Variants in TMEM200A observed in about 807,000 individuals in gnomAD.
TMEM200A encodes transmembrane protein 200A.
In TMEM200A, 12 loss-of-function variants were observed where a neutral mutation model predicts 24.3. The observed-to-expected ratio is 0.49, with a 90% CI of 0.32 to 0.80. TMEM200A has a LOEUF of 0.80. Among genes scored for constraint, TMEM200A ranks in the 30% least tolerant of loss-of-function variants. The pLI is 0.04. For synonymous variants in TMEM200A, 224 were observed against 224.4 expected, an observed-to-expected ratio of 1.00 and a Z score of 0.02; for missense variants, 545 against 614.4, an observed-to-expected ratio of 0.89 and a Z score of 1.19.
intron 2 of TMEM200A, among the ~76,000 whole-genome samples, chr6:130,407,670 A>C (rs990379453): frequency 2.0e-5 from 3 of 152,246 alleles, no homozygotes; most frequent in Non-Finnish European, 4.4e-5. Context: ...GATGAGTAAG[A>C]GCCAAGAAGC....
intron 1 of TMEM200A, among the ~76,000 whole-genome samples, chr6:130,372,098 A>G (rs1778334524): frequency 6.6e-6 from 1 of 152,200 alleles, no homozygotes; most frequent in African/African-American, 2.4e-5. Context: ...CCAGACTGGA[A>G]AGTGAAAGAG....
At chr6:130,432,218 A>G (rs960226173) in intron 2 of TMEM200A, among the ~76,000 whole-genome samples, 5 of 152,244 alleles carry the variant, frequency 3.3e-5, no homozygotes, top group African/African-American at 1.2e-4. Flanking sequence ...GAAACAGAAT[A>G]GTGCGTGCAG....
intron 2 of TMEM200A, among the ~76,000 whole-genome samples, chr6:130,387,519 TGCCTCG>T (rs1284426922): frequency 2.0e-5 from 3 of 152,186 alleles, no homozygotes; most frequent in Non-Finnish European, 4.4e-5. Context: ...GTGATCCGCC[TGCCTCG>T]GCCTCCCAAA....
At chr6:130,420,117 T>A (rs1779548556) in intron 2 of TMEM200A, among the ~76,000 whole-genome samples, 1 of 152,216 alleles carries the variant, frequency 6.6e-6, no homozygotes, top group South Asian at 2.1e-4. Context: ...ACTTTCAACA[T>A]ATGAATTTGA....
chr6:130,408,374 A>G (rs1779254565), intron 2 of TMEM200A, among the ~76,000 whole-genome samples: 1 of 152,180 alleles, frequency 6.6e-6, no homozygotes, highest in Non-Finnish European at 1.5e-5. Flanking sequence ...TGAGTATTTG[A>G]GACACTGCTT....
chr6:130,423,588 A>T (rs1327456960), intron 2 of TMEM200A, among the ~76,000 whole-genome samples: 2 of 152,166 alleles, frequency 1.3e-5, no homozygotes, highest in Non-Finnish European at 2.9e-5. Flanking sequence ...TAATATTTCC[A>T]TGTGATACTT....
At chr6:130,426,039 T>C (rs11154578) in intron 2 of TMEM200A, among the ~76,000 whole-genome samples, 16,470 of 152,206 alleles carry the variant, frequency 0.11, 1,074 homozygotes, top group Admixed American at 0.16. Context: ...AAAACTGCGG[T>C]TGAAGTAACT....
intron 2 of TMEM200A, among the ~76,000 whole-genome samples, chr6:130,433,852 G>A (rs1371175856): frequency 3.3e-5 from 5 of 152,156 alleles, no homozygotes; most frequent in African/African-American, 9.7e-5. Context: ...TCAGAGGGCA[G>A]GGACCCTTAT....
At chr6:130,412,307 GTC>G (rs1779351281) in intron 2 of TMEM200A, among the ~76,000 whole-genome samples, 1 of 151,752 alleles carries the variant, frequency 6.6e-6, no homozygotes, top group Non-Finnish European at 1.5e-5. Flanking sequence ...TGTGTAAACA[GTC>G]TCTCATCCCT....
Position 130,371,922 on chromosome 6 carries a change from G to A in TMEM200A, c.-81+5398G>A, listed in dbSNP as rs551210182. Among the ~76,000 whole-genome samples, 8 of 152,328 alleles carry A rather than the reference G, an allele frequency of 5.3e-5. No homozygotes were observed. In the South Asian group the frequency reaches 1.7e-3, roughly 32 times the overall value. On this transcript the variant is annotated intron_variant, in intron 1 of 2. Coordinates refer to ENST00000296978, the MANE Select transcript of TMEM200A (RefSeq NM_001258277.2). ...TTTATTAGTTGTCAGGCACTATCAG[G>A]GAAGGAGCTAACGTTTGTAAGGCCA...
chr6:130,365,956 G>A (rs1182176032), upstream of TMEM200A: 2 of 973,922 alleles, frequency 2.1e-6, 1 homozygote, highest in Non-Finnish European at 2.4e-6. Context: ...AGTCCGCCCC[G>A]GCCCCCGCCC....
intron 1 of TMEM200A, among the ~76,000 whole-genome samples, chr6:130,383,273 A>G (rs951011386): frequency 6.6e-6 from 1 of 152,156 alleles, no homozygotes; most frequent in Non-Finnish European, 1.5e-5. Flanking sequence ...AATTGCTAGG[A>G]AGTCAGCAAT....
At chr6:130,416,452 G>C (rs562819008) in intron 2 of TMEM200A, among the ~76,000 whole-genome samples, 1 of 151,986 alleles carries the variant, frequency 6.6e-6, no homozygotes, top group Non-Finnish European at 1.5e-5. Flanking sequence ...CTTTTCATTT[G>C]TTCTTATTAC....
At chr6:130,373,505 T>G (rs1467805011) in intron 1 of TMEM200A, among the ~76,000 whole-genome samples, 1 of 152,162 alleles carries the variant, frequency 6.6e-6, no homozygotes, top group South Asian at 2.1e-4. Flanking sequence ...TTTTCCAACT[T>G]CTAGACAAGC....
chr6:130,375,681 A>G (rs985465806), intron 1 of TMEM200A, among the ~76,000 whole-genome samples: 2 of 152,174 alleles, frequency 1.3e-5, no homozygotes, highest in Non-Finnish European at 1.5e-5. Flanking sequence ...GAGAATGAGG[A>G]GCCAGCCTCA....
At chr6:130,380,451 T>C (rs191984000) in intron 1 of TMEM200A, among the ~76,000 whole-genome samples, 64 of 152,342 alleles carry the variant, frequency 4.2e-4, no homozygotes, top group Non-Finnish European at 8.5e-4. Context: ...AAGTATAAAA[T>C]TTAAAAAAGA....
At position 130,440,577 on chromosome 6, in the gene TMEM200A, G is replaced by C. The variant is rs776015783; in HGVS notation, c.155G>C (p.Arg52Pro). ...RRPRADVVVV[R>P]GKIRLYSPSG... ...CCCCGGGCAGATGTTGTGGTTGTTC[G>C]TGGCAAAATCCGGCTTTATTCCCCA... is the stretch of plus-strand genomic sequence containing the variant. The change falls in exon 3 of 3, where the codon CGT (arginine) becomes CCT (proline). Residue 52 changes from arginine (R) to proline (P), a missense_variant. Coordinates refer to ENST00000296978, the MANE Select transcript of TMEM200A (RefSeq NM_001258277.2). 3 of 1,614,032 alleles carry C rather than the reference G, an allele frequency of 1.9e-6. No homozygotes were observed. The highest frequency in any genetic ancestry group is 2.5e-6 in the Non-Finnish European group (3 of 1,179,958).
intron 2 of TMEM200A, among the ~76,000 whole-genome samples, chr6:130,400,345 T>C (rs1583196959): frequency 6.6e-6 from 1 of 152,108 alleles, no homozygotes; most frequent in Non-Finnish European, 1.5e-5. Flanking sequence ...ATAGTGGCTG[T>C]ACTAGTTTAC....
At chr6:130,417,389 G>A (rs1469248702) in intron 2 of TMEM200A, among the ~76,000 whole-genome samples, 1 of 152,168 alleles carries the variant, frequency 6.6e-6, no homozygotes, top group African/African-American at 2.4e-5. Context: ...CTTTTTAAAA[G>A]TTAGTTTGAA....
Sources: gnomAD v4.1 joint callset for allele counts (sites outside exome capture counted in the v4.1 genomes callset) on GRCh38, gnomAD v4.1.1 for gene constraint, MANE v1.5 for transcripts, NCBI Gene and HGNC (gene_info 2026-07-23, HGNC 2026-07-21) for gene names.